MYO5B: variants seen among roughly 807,000 people sequenced by gnomAD.
MYO5B encodes the protein unconventional myosin-Vb.
MYO5B carries 143 observed loss-of-function variants against 229.3 expected under a neutral mutation model. The observed-to-expected ratio is 0.62, with a 90% confidence interval of 0.54 to 0.72. The LOEUF (loss-of-function observed/expected upper bound fraction) is 0.72, where lower values mean the gene tolerates loss of function less well. MYO5B is among the 30% of genes least tolerant of loss of function. The probability of loss-of-function intolerance (pLI) is 0.00; values close to 1 mark genes in which losing one functional copy is unlikely to be tolerated. For synonymous variants in MYO5B, 918 were observed against 885.2 expected (o/e 1.04, Z -0.66); for missense variants, 2,321 against 2,331.0 (o/e 1.00, Z 0.09).
chr18:50,014,808 G>C (rs538787268), intron 4 of MYO5B, among the ~76,000 whole-genome samples: 109 of 152,306 alleles, frequency 7.2e-4, no homozygotes, highest in Middle Eastern at 3.4e-3. Flanking sequence ...CCATCCATTA[G>C]GCAATTTTTT....
At position 49,837,506 on chromosome 18, in the gene MYO5B, T is replaced by C; in HGVS notation, c.5138+11A>G. On this transcript the variant is annotated intron_variant, in intron 37 of 39. Transcript: ENST00000285039. ...CTCTATCTGTGTTGTTGGGGGGTGC[T>C]CCTCCCTTACCTGAGTTGCATGCCT... 6.2e-7 allele frequency: 1 copy of C among 1,613,632 alleles called. No homozygotes were observed. Among genetic ancestry groups the C allele is most frequent in the Non-Finnish European group, 8.5e-7 (1 of 1,179,788 alleles).
chr18:50,045,592 C>T (rs1251782867), intron 2 of MYO5B, among the ~76,000 whole-genome samples: 1 of 152,176 alleles, frequency 6.6e-6, no homozygotes, highest in African/African-American at 2.4e-5. Flanking sequence ...CAGGGTTTCA[C>T]CATGTTGCCC....
Position 49,936,271 on chromosome 18 carries a change from C to G in MYO5B, c.1984G>C (p.Asp662His), listed in dbSNP as rs200378779. 5 of 1,599,790 alleles carry G rather than the reference C, an allele frequency of 3.1e-6. No homozygotes were observed. Among genetic ancestry groups the G allele is most frequent in the Non-Finnish European group, 4.3e-6 (5 of 1,172,546 alleles). ...PHYVRCIKPNDEKLPFHFDPK... is the reference protein window; with the variant it reads ...PHYVRCIKPNHEKLPFHFDPK... ...ACTTACTGAAAGGGGAGCTTCTCAT[C>G]GTTGGGCTTGATGCAGCGGACATAG... is the stretch of plus-strand genomic sequence containing the variant. The change falls in exon 16 of 40, where the codon GAT (aspartate) becomes CAT (histidine). Residue 662 changes from aspartate to histidine, a missense_variant. Transcript: ENST00000285039.
At chr18:50,068,016 C>T (rs1441093225) in intron 1 of MYO5B, among the ~76,000 whole-genome samples, 1 of 145,380 alleles carries the variant, frequency 6.9e-6, no homozygotes, top group Non-Finnish European at 1.5e-5. Context: ...TATACACACA[C>T]GTACATACAT....
At chr18:49,909,673 G>A (rs977769297) in intron 18 of MYO5B, among the ~76,000 whole-genome samples, 1 of 152,214 alleles carries the variant, frequency 6.6e-6, no homozygotes, top group Non-Finnish European at 1.5e-5. Context: ...CAACATAAGG[G>A]GATGAACACA....
In MYO5B at chr18:49,962,362, G is replaced by A; in HGVS notation, c.1449C>T (p.Ile483=). 1 of 1,614,176 alleles carries A rather than the reference G, an allele frequency of 6.2e-7. No homozygotes were observed. The highest frequency in any genetic ancestry group is 1.1e-5 in the South Asian group (1 of 91,064). ...LEQEEYMKEQ[I]PWTLIDFYDN... is the part of the protein sequence containing the mutation. The stretch of plus-strand genomic sequence containing the variant: ...CATAAAAATCAATCAGGGTCCAAGG[G>A]ATCTGTTCCTTCATGTATTCTTCTT... Residue 483 remains isoleucine, a synonymous_variant, in exon 12 of 40, where the codon ATC becomes ATT. Coordinates refer to ENST00000285039, the MANE Select transcript of MYO5B (RefSeq NM_001080467.3).
At chr18:49,982,696 C>T (rs1222793496) in intron 8 of MYO5B, among the ~76,000 whole-genome samples, 1 of 152,184 alleles carries the variant, frequency 6.6e-6, no homozygotes, top group Non-Finnish European at 1.5e-5. Flanking sequence ...CTGTCTATTG[C>T]TACTTTCACA....
chr18:49,939,566 T>C (rs915548818), intron 14 of MYO5B, among the ~76,000 whole-genome samples: 19 of 152,198 alleles, frequency 1.2e-4, no homozygotes, highest in African/African-American at 4.3e-4. Flanking sequence ...TTCACCTCCA[T>C]GTGGCAGGTG....
intron 27 of MYO5B, among the ~76,000 whole-genome samples, chr18:49,866,080 A>AT (rs2024392325): frequency 1.3e-5 from 2 of 152,100 alleles, no homozygotes; most frequent in South Asian, 4.1e-4. Flanking sequence ...ACCTATTTTT[A>AT]TTTTTTGAGA....
chr18:49,878,915 G>A lies in MYO5B; in HGVS notation c.3276+30C>T, dbSNP rs2024555850. The A allele has an allele frequency of 1.9e-6, 3 of 1,613,470 alleles. 1 individual carries two copies. The Admixed American group carries it at 5.0e-5, about 27-fold the overall frequency. On this transcript the variant is annotated intron_variant, in intron 24 of 39. Transcript: ENST00000285039. ...AGCTGGACAGGAGCCAGGGACCTGTGCCATGGCACAGCAGAAGCACCCCCC... is the reference window on the plus strand; with the variant it reads ...AGCTGGACAGGAGCCAGGGACCTGTACCATGGCACAGCAGAAGCACCCCCC...
In MYO5B at chr18:49,978,099, C is replaced by T. The variant is rs566515963; in HGVS notation, c.1056+2345G>A. On this transcript the variant is annotated intron_variant, in intron 9 of 39. Transcript: ENST00000285039. ...TCAAATGCCTTCTGGAACTTCCTGC[C>T]GCCTAGCAGAGAAAGGGCTGCCACA... is the stretch of plus-strand genomic sequence containing the variant. Among the ~76,000 whole-genome samples, 7 of 152,274 alleles carry T rather than the reference C, an allele frequency of 4.6e-5. No homozygotes were observed. The East Asian group carries it at 5.8e-4, about 13-fold the overall frequency.
chr18:49,966,948 C>T (rs572776530), intron 10 of MYO5B, among the ~76,000 whole-genome samples: 49 of 152,256 alleles, frequency 3.2e-4, no homozygotes, highest in African/African-American at 1.2e-3. Context: ...ATAGTAATTC[C>T]TCCCATCAAC....
intron 1 of MYO5B, among the ~76,000 whole-genome samples, chr18:50,060,244 T>C (rs963971718): frequency 6.6e-6 from 1 of 152,162 alleles, no homozygotes; most frequent in Non-Finnish European, 1.5e-5. Context: ...TTGTACATGC[T>C]CTCTCCTGGC....
chr18:50,073,580 T>C (rs1215104285), intron 1 of MYO5B, among the ~76,000 whole-genome samples: 1 of 152,198 alleles, frequency 6.6e-6, no homozygotes, highest in Non-Finnish European at 1.5e-5. Context: ...TGCTGGGATC[T>C]TGTCCAGCCA....
In MYO5B at chr18:49,933,180, C is replaced by T. The variant is rs536959830; in HGVS notation, c.2003+3072G>A. Reference sequence around the variant, plus strand: ...GCTCAGCAGCATCCTGCAGTCACATCTCAGAACTCTGAGACTCCGAGACCT... The same window carrying T: ...GCTCAGCAGCATCCTGCAGTCACATTTCAGAACTCTGAGACTCCGAGACCT... On this transcript the variant is annotated intron_variant, in intron 16 of 39. Coordinates refer to ENST00000285039, the MANE Select transcript of MYO5B (RefSeq NM_001080467.3). 5.3e-5 allele frequency among the ~76,000 whole-genome samples: 8 copies of T among 152,312 alleles called. 1 individual carries two copies. The highest frequency in any genetic ancestry group is 1.9e-4 in the African/African-American group (8 of 41,578).
chr18:49,839,061 C>G (rs1036847438), intron 36 of MYO5B, 83 bp downstream of exon 36: 3 of 1,567,266 alleles, frequency 1.9e-6, no homozygotes, highest in South Asian at 1.1e-5. Flanking sequence ...ATCTGGTTCC[C>G]GAAAGGCAGA....
Position 49,906,653 on chromosome 18 carries a change from C to G in MYO5B, c.2203-23G>C, listed in dbSNP as rs375062317. On this transcript the variant is annotated intron_variant, in intron 18 of 39. Coordinates refer to ENST00000285039, the MANE Select transcript of MYO5B (RefSeq NM_001080467.3). ...GTCCTTTACAAGGTAGGGAGGGGAT[C>G]TGGTTGGTCACCAGTGAGCAGAGAA... 44 of 1,598,598 alleles carry G rather than the reference C, an allele frequency of 2.8e-5. No individual in the cohort carries two copies. In the African/African-American group the frequency reaches 5.4e-4, roughly 19 times the overall value.
chr18:50,101,581 G>A (rs999347689), intron 1 of MYO5B, among the ~76,000 whole-genome samples: 3 of 152,110 alleles, frequency 2.0e-5, no homozygotes, highest in African/African-American at 7.2e-5. Flanking sequence ...CGAAAACTGG[G>A]AAAATGATAT....
At chr18:50,143,888 G>C (rs1417593576) in intron 1 of MYO5B, among the ~76,000 whole-genome samples, 1 of 152,148 alleles carries the variant, frequency 6.6e-6, no homozygotes, top group African/African-American at 2.4e-5. Flanking sequence ...TGCTCTCACA[G>C]GGGTCTTGCT....
Sources: gnomAD v4.1 joint callset for allele counts (sites outside exome capture counted in the v4.1 genomes callset) on GRCh38, gnomAD v4.1.1 for gene constraint, MANE v1.5 for transcripts, NCBI Gene and HGNC (gene_info 2026-07-23, HGNC 2026-07-21) for gene names.